Variants in KDM4B observed in about 807,000 individuals in gnomAD.
KDM4B encodes lysine-specific demethylase 4B.
KDM4B carries 32 observed loss-of-function variants against 125.2 expected under a neutral mutation model. The ratio of observed to expected loss-of-function variants is 0.26; its 90% confidence interval spans 0.19 to 0.34. The LOEUF is 0.34. Ranked by LOEUF, KDM4B falls within the 10% of genes least tolerant of loss-of-function variation. The pLI is 1.00. For missense variants in KDM4B, 1,190 were observed against 1,577.7 expected, an observed-to-expected ratio of 0.75 and a Z score of 4.16; for synonymous variants, 721 against 677.9, an observed-to-expected ratio of 1.06 and a Z score of -0.99.
chr19:4,978,630 G>A (rs779154414), intron 1 of KDM4B, among the ~76,000 whole-genome samples: 7 of 151,356 alleles, frequency 4.6e-5, no homozygotes, highest in South Asian at 4.2e-4. Flanking sequence ...GGTGTCCTGC[G>A]TACCCCAAAG....
intron 10 of KDM4B, chr19:5,112,950 C>T (rs1168388183): frequency 6.6e-6 from 1 of 152,406 alleles, no homozygotes; most frequent in Non-Finnish European, 1.5e-5. Flanking sequence ...TTGATTGTGG[C>T]TCAGGCTAAT....
At chr19:5,062,423 C>T (rs555227038) in intron 6 of KDM4B, among the ~76,000 whole-genome samples, 62 of 152,366 alleles carry the variant, frequency 4.1e-4, no homozygotes, top group Middle Eastern at 3.4e-3. Context: ...CCCTTCCTCC[C>T]GTCCGTCCCC....
chr19:5,019,373 CATT>C (rs2036004094), intron 2 of KDM4B, among the ~76,000 whole-genome samples: 2 of 76,610 alleles, frequency 2.6e-5, no homozygotes, highest in African/African-American at 5.3e-5. Context: ...TTGGTGTGGA[CATT>C]GGTGTGCAGG....
intron 3 of KDM4B, among the ~76,000 whole-genome samples, chr19:5,036,374 C>T (rs533836783): frequency 6.6e-6 from 1 of 152,236 alleles, no homozygotes; most frequent in Non-Finnish European, 1.5e-5. Context: ...CTGGAGCTGG[C>T]GGTGCCCTGG....
intron 9 of KDM4B, among the ~76,000 whole-genome samples, chr19:5,097,255 T>G (rs1341500090): frequency 2.0e-5 from 3 of 152,180 alleles, no homozygotes; most frequent in Non-Finnish European, 4.4e-5. Context: ...CGTGGTTTTG[T>G]TTTTTGTTTT....
intron 2 of KDM4B, among the ~76,000 whole-genome samples, chr19:5,025,387 A>G (rs932797647): frequency 4.6e-5 from 7 of 152,132 alleles, no homozygotes; most frequent in Non-Finnish European, 1.0e-4. Flanking sequence ...AACCATGGAG[A>G]GTCTTCAGGT....
At position 5,148,731 on chromosome 19, in the gene KDM4B, G is replaced by C. The variant is rs368679676; in HGVS notation, c.3022-1627G>C. 1.4e-4 allele frequency among the ~76,000 whole-genome samples: 22 copies of C among 152,334 alleles called. No individual in the cohort carries two copies. The South Asian group carries it at 3.1e-3, about 22-fold the overall frequency. On this transcript the variant is annotated intron_variant, in intron 21 of 22. Transcript: ENST00000159111. ...ACCCGCTGCTGCCCGTGGCAAAGCG[G>C]AGCCTGGCCACGCCGGGGGTGGAAA...
At position 5,040,114 on chromosome 19, in the gene KDM4B, G is replaced by A. The variant is rs892257399; in HGVS notation, c.317+103G>A. The A allele has an allele frequency of 2.4e-6, 3 of 1,260,544 alleles. No homozygotes were observed. The African/African-American group carries it at 4.5e-5, about 19-fold the overall frequency. The allele number at this position is 1,260,544 out of a possible 1,614,324, so 78.1% of individuals were successfully genotyped here. A position where few individuals can be genotyped will look rare whatever the true frequency, so the allele number is the denominator to read the frequency against. On this transcript the variant is annotated intron_variant, in intron 4 of 22. Transcript: ENST00000159111. ...AGGTGCGGTACACGCAGCCCCCACA[G>A]CATGGCCGGCCTGCTCTGTGTGCCC...
At chr19:5,060,961 C>T (rs2037575602) in intron 6 of KDM4B, among the ~76,000 whole-genome samples, 1 of 152,262 alleles carries the variant, frequency 6.6e-6, no homozygotes, top group Admixed American at 6.5e-5. Context: ...CCAATCTGGC[C>T]TTTAATTGCA....
chr19:5,133,436 C>T (rs1031396673), intron 13 of KDM4B, among the ~76,000 whole-genome samples: 6 of 152,200 alleles, frequency 3.9e-5, no homozygotes, highest in Admixed American at 3.3e-4. Context: ...CTCTGAGTCT[C>T]GGCTGGTCAC....
chr19:4,974,265 G>A (rs2034365506), intron 1 of KDM4B, among the ~76,000 whole-genome samples: 1 of 151,992 alleles, frequency 6.6e-6, no homozygotes. Context: ...CGGGCATGGT[G>A]GTGGCCGGTG....
chr19:5,023,602 C>A (rs2036188869), intron 2 of KDM4B, among the ~76,000 whole-genome samples: 1 of 152,086 alleles, frequency 6.6e-6, no homozygotes, highest in African/African-American at 2.4e-5. Flanking sequence ...CTCACTGGGG[C>A]CGCATGGGGC....
intron 9 of KDM4B, among the ~76,000 whole-genome samples, chr19:5,106,007 T>C (rs562343483): frequency 6.6e-6 from 1 of 152,374 alleles, no homozygotes; most frequent in African/African-American, 2.4e-5. Context: ...ACTCCTACAA[T>C]TGAAAGAACC....
rs752144180 is a variant in KDM4B at position 5,134,004 on chromosome 19, G to A, written c.2028G>A (p.Ala676=). 14 of 1,611,500 alleles carry A rather than the reference G, an allele frequency of 8.7e-6. No individual in the cohort carries two copies. Among genetic ancestry groups the A allele is most frequent in the African/African-American group, 2.7e-5 (2 of 74,940 alleles). Residue 676 remains alanine (A), a synonymous_variant, in exon 14 of 23, where the codon GCG becomes GCA. Transcript: ENST00000159111. ...SFQAERKFNA[A]AARTEPYCAI... is the part of the protein sequence containing the mutation. The stretch of plus-strand genomic sequence containing the variant: ...AGGCCGAGAGGAAGTTCAACGCAGC[G>A]GCTGCGCGCACGGAGCCCTACTGCG...
intron 6 of KDM4B, among the ~76,000 whole-genome samples, chr19:5,058,994 TGAG>T (rs1469249772): frequency 6.6e-6 from 1 of 152,168 alleles, no homozygotes; most frequent in Non-Finnish European, 1.5e-5. Flanking sequence ...GGTGTTTGGA[TGAG>T]GAGTTTATTC....
At chr19:4,998,906 A>G (rs1457016406) in intron 1 of KDM4B, among the ~76,000 whole-genome samples, 1 of 152,086 alleles carries the variant, frequency 6.6e-6, no homozygotes, top group Non-Finnish European at 1.5e-5. Flanking sequence ...GGTCCTTCTT[A>G]GTGCGCCCTA....
chr19:5,019,473 T>G (rs1416760205), intron 2 of KDM4B, among the ~76,000 whole-genome samples: 1 of 144,270 alleles, frequency 6.9e-6, no homozygotes, highest in Non-Finnish European at 1.5e-5. Context: ...GGTGTGGGTG[T>G]TGGTGTTGGT....
Position 5,110,675 on chromosome 19 carries a change from C to T in KDM4B, c.972C>T (p.Ile324=). ...TCTCCATGGACGTGTTCGTGCGCAT[C>T]CTGCAGCCCGAGCGCTACGAGCTGT... The part of the protein sequence containing the change: ...VKISMDVFVR[I]LQPERYELWK... Residue 324 remains isoleucine (I), a synonymous_variant, in exon 10 of 23, where the codon ATC becomes ATT. Transcript: ENST00000159111. 1 of 1,613,056 alleles carries T rather than the reference C, an allele frequency of 6.2e-7. No homozygotes were observed. Among genetic ancestry groups the T allele is most frequent in the Non-Finnish European group, 8.5e-7 (1 of 1,179,896 alleles).
chr19:5,097,657 T>C (rs1482970239), intron 9 of KDM4B, among the ~76,000 whole-genome samples: 1 of 152,192 alleles, frequency 6.6e-6, no homozygotes, highest in African/African-American at 2.4e-5. Context: ...TAGGATGTCA[T>C]TGACATGAAA....
Sources: gnomAD v4.1 joint callset for allele counts (sites outside exome capture counted in the v4.1 genomes callset) on GRCh38, gnomAD v4.1.1 for gene constraint, MANE v1.5 for transcripts, NCBI Gene and HGNC (gene_info 2026-07-23, HGNC 2026-07-21) for gene names.